CTIF: variants seen among roughly 807,000 people sequenced by gnomAD.
CTIF encodes the protein CBP80/20-dependent translation initiation factor.
Under a neutral mutation model 66.0 loss-of-function variants are expected in CTIF, and 21 were observed. The ratio of observed to expected loss-of-function variants is 0.32; its 90% confidence interval spans 0.23 to 0.46. The LOEUF is 0.46. Ranked by LOEUF, CTIF falls within the 20% of genes least tolerant of loss-of-function variation. The pLI, the probability that CTIF is intolerant of heterozygous loss-of-function variation, is 1.00. For missense variants in CTIF, 739 were observed against 812.7 expected (o/e 0.91, Z 1.10); for synonymous variants, 345 against 326.4 (o/e 1.06, Z -0.62).
chr18:48,703,236 G>A (rs2092106883), intron 6 of CTIF, among the ~76,000 whole-genome samples: 1 of 152,206 alleles, frequency 6.6e-6, no homozygotes, highest in Admixed American at 6.5e-5. Context: ...GAGGGGGACT[G>A]TAGCTTCCAA....
At chr18:48,786,283 G>T (rs993583084) in intron 9 of CTIF, among the ~76,000 whole-genome samples, 1 of 152,118 alleles carries the variant, frequency 6.6e-6, no homozygotes, top group African/African-American at 2.4e-5. Context: ...CTAGTCCTGG[G>T]GATCCAGGCT....
intron 10 of CTIF, among the ~76,000 whole-genome samples, chr18:48,822,032 AT>A (rs547592001): frequency 2.0e-5 from 3 of 152,146 alleles, no homozygotes; most frequent in Non-Finnish European, 4.4e-5. Flanking sequence ...GCTTCTTTGA[AT>A]TTGACTATTT....
intron 9 of CTIF, among the ~76,000 whole-genome samples, chr18:48,807,216 G>T (rs975072483): frequency 3.3e-5 from 5 of 152,164 alleles, no homozygotes; most frequent in African/African-American, 1.2e-4. Context: ...CACCCTTCTC[G>T]TGAGAATCAC....
At chr18:48,618,155 A>G (rs1385685206) in intron 1 of CTIF, among the ~76,000 whole-genome samples, 1 of 152,238 alleles carries the variant, frequency 6.6e-6, no homozygotes, top group South Asian at 2.1e-4. Context: ...GACTCGCTGC[A>G]GTGAAAACAC....
chr18:48,761,405 G>A lies in CTIF; in HGVS notation c.1087G>A (p.Glu363Lys). Reference sequence around the variant, plus strand: ...ACACCCCCAGGATGAAGTGGCCGTGGAGACGACCACTCCCCAGCAGAACAA... The same window carrying A: ...ACACCCCCAGGATGAAGTGGCCGTGAAGACGACCACTCCCCAGCAGAACAA... ...RLKEKDEVAV[E>K]TTTPQQNKMD... is the part of the protein sequence containing the mutation. The change falls in exon 9 of 12, where the codon GAG (glutamate) becomes AAG (lysine). Residue 363 changes from glutamate to lysine, a missense_variant. Physicochemically the swap from Glu to Lys is moderately conservative, Grantham distance 56. Coordinates refer to ENST00000256413, the MANE Select transcript of CTIF (RefSeq NM_014772.3). The surrounding 1 kb of genome is among the most constrained non-coding windows in gnomAD (Gnocchi z 4.2). The A allele has an allele frequency of 6.2e-7, 1 of 1,613,292 alleles. No individual in the cohort carries two copies. Among genetic ancestry groups the A allele is most frequent in the South Asian group, 1.1e-5 (1 of 91,064 alleles).
In CTIF at chr18:48,601,275, C is replaced by T. The variant is rs539209089; in HGVS notation, c.-28-18263C>T. On this transcript the variant is annotated intron_variant, in intron 1 of 11. Transcript: ENST00000256413. ...CCCAAAAGAAAAATGTGTTTTCCCCCACCTTGATCTACTGCTCTGTGAGGT... is the reference window on the plus strand; with the variant it reads ...CCCAAAAGAAAAATGTGTTTTCCCCTACCTTGATCTACTGCTCTGTGAGGT... 2.6e-5 allele frequency among the ~76,000 whole-genome samples: 4 copies of T among 152,338 alleles called. No homozygotes were observed. The South Asian group carries it at 8.3e-4, about 32-fold the overall frequency.
intron 6 of CTIF, among the ~76,000 whole-genome samples, chr18:48,678,686 C>A (rs372896256): frequency 6.6e-6 from 1 of 151,206 alleles, no homozygotes; most frequent in Non-Finnish European, 1.5e-5. Flanking sequence ...CCACTGTCTG[C>A]GTCTAGATGG....
At chr18:48,846,625 G>A (rs1256270913) in intron 10 of CTIF, among the ~76,000 whole-genome samples, 2 of 151,334 alleles carry the variant, frequency 1.3e-5, no homozygotes, top group East Asian at 2.0e-4. Flanking sequence ...ATGAGTAGGT[G>A]AGTAGATAGA....
intron 3 of CTIF, among the ~76,000 whole-genome samples, chr18:48,650,400 G>A (rs2091134293): frequency 6.6e-6 from 1 of 152,244 alleles, no homozygotes; most frequent in South Asian, 2.1e-4. Flanking sequence ...TCAAATCAAT[G>A]AAATAAAGTG....
intron 6 of CTIF, chr18:48,692,578 A>G (rs1035222017): frequency 6.6e-6 from 1 of 152,240 alleles, no homozygotes; most frequent in South Asian, 2.1e-4. Flanking sequence ...TTTAGCGTGC[A>G]TATGAATAGC....
At chr18:48,562,705 T>C (rs1457113704) in intron 1 of CTIF, among the ~76,000 whole-genome samples, 1 of 152,246 alleles carries the variant, frequency 6.6e-6, no homozygotes, top group African/African-American at 2.4e-5. Flanking sequence ...TCTCTGGGAC[T>C]GAGGACTCCA....
At position 48,646,710 on chromosome 18, in the gene CTIF, G is replaced by A. The variant is rs534572621; in HGVS notation, c.252+10025G>A. 5.9e-4 allele frequency among the ~76,000 whole-genome samples: 88 copies of A among 149,840 alleles called. No individual in the cohort carries two copies. The East Asian group carries it at 0.012, about 20-fold the overall frequency. On this transcript the variant is annotated intron_variant, in intron 3 of 11. Coordinates refer to ENST00000256413, the MANE Select transcript of CTIF (RefSeq NM_014772.3). ...TGCGGTGAGCTGTGATCAAACCACTGTACTTCAGCCTGGGTAACAGCGAGA... is the reference window on the plus strand; with the variant it reads ...TGCGGTGAGCTGTGATCAAACCACTATACTTCAGCCTGGGTAACAGCGAGA...
chr18:48,751,839 G>C (rs768404642), intron 7 of CTIF, among the ~76,000 whole-genome samples: 11 of 152,244 alleles, frequency 7.2e-5, no homozygotes, highest in Non-Finnish European at 1.5e-4. Flanking sequence ...TGTGGCCTCA[G>C]GCAAACCCAC....
Position 48,797,673 on chromosome 18 carries a change from T to C in CTIF, c.1372-19548T>C, listed in dbSNP as rs140622922. On this transcript the variant is annotated intron_variant, in intron 9 of 11. Transcript: ENST00000256413. ...GGTATTCTGGGGTGGGGGGATGCTC[T>C]GAGGCAGAAAGTGCCCTTCCACGTG... Among the ~76,000 whole-genome samples, 131 of 152,268 alleles carry C rather than the reference T, an allele frequency of 8.6e-4. No individual in the cohort carries two copies. In the East Asian group the frequency reaches 0.025, roughly 29 times the overall value.
chr18:48,596,485 T>C (rs897012281), intron 1 of CTIF, among the ~76,000 whole-genome samples: 1 of 151,756 alleles, frequency 6.6e-6, no homozygotes, highest in Non-Finnish European at 1.5e-5. Context: ...TTCTTTTTTT[T>C]TTTTTCTTTT....
intron 7 of CTIF, among the ~76,000 whole-genome samples, chr18:48,734,108 G>A (rs116738035): frequency 1.2e-3 from 177 of 152,350 alleles, no homozygotes; most frequent in African/African-American, 4.0e-3. Flanking sequence ...CTCAAACCCA[G>A]CATGGGAACT....
At chr18:48,699,999 T>G (rs530510278) in intron 6 of CTIF, among the ~76,000 whole-genome samples, 93 of 152,360 alleles carry the variant, frequency 6.1e-4, no homozygotes, top group African/African-American at 1.8e-3. Flanking sequence ...CAGGTCCTGC[T>G]GCTCTCGCCT....
At chr18:48,555,606 C>T (rs2088999044) in intron 1 of CTIF, among the ~76,000 whole-genome samples, 1 of 152,236 alleles carries the variant, frequency 6.6e-6, no homozygotes, top group African/African-American at 2.4e-5. Flanking sequence ...TGTGTCTTAG[C>T]ACTGCCACCT....
chr18:48,730,604 T>C (rs148340550), intron 7 of CTIF, among the ~76,000 whole-genome samples: 160 of 9,412 alleles, frequency 0.017, 57 homozygotes, highest in East Asian at 0.13. Flanking sequence ...GAGGGGCTTC[T>C]GCTGTGTGAG....
Sources: allele counts gnomAD v4.1 joint callset (sites outside exome capture counted in the v4.1 genomes callset), GRCh38; gene constraint gnomAD v4.1.1; non-coding constraint Gnocchi (gnomAD v3.1); transcripts MANE v1.5; gene names NCBI Gene and HGNC (gene_info 2026-07-23, HGNC 2026-07-21).